The following MIPEP variants were observed in gnomAD, a reference collection of about 807,000 sequenced individuals.
MIPEP encodes the protein mitochondrial intermediate peptidase.
In MIPEP, 79 loss-of-function variants were observed where a neutral mutation model predicts 90.3. The ratio of observed to expected loss-of-function variants is 0.87; its 90% CI spans 0.73 to 1.05. MIPEP has a LOEUF of 1.05. Among genes scored for constraint, MIPEP ranks in the 50% least tolerant of loss-of-function variants. The pLI is 0.00. For synonymous variants in MIPEP, 334 were observed against 315.8 expected (o/e 1.06, Z -0.61); for missense variants, 940 against 905.6 (o/e 1.04, Z -0.49).
intron 12 of MIPEP, 79 bp from the exon 13 acceptor site, chr13:23,837,835 ATTTCACC>A: frequency 8.7e-7 from 1 of 1,145,392 alleles, no homozygotes; most frequent in Non-Finnish European, 1.3e-6. Context: ...TGAATATAAA[ATTTCACC>A]AAAAATGTGT....
At chr13:23,801,188 T>C (rs966552648) in intron 16 of MIPEP, among the ~76,000 whole-genome samples, 1 of 152,226 alleles carries the variant, frequency 6.6e-6, no homozygotes. Flanking sequence ...TTGGCCCGCA[T>C]GGGAAGGCGC....
intron 12 of MIPEP, 94 bp from the exon 13 acceptor site, chr13:23,837,850 T>G (rs1402121759): frequency 1.1e-6 from 1 of 889,032 alleles, no homozygotes; most frequent in Non-Finnish European, 1.8e-6. Flanking sequence ...ACCAAAAATG[T>G]GTGAGTGCAA....
chr13:23,766,175 T>A (rs1952589894), intron 16 of MIPEP: 1 of 152,218 alleles, frequency 6.6e-6, no homozygotes, highest in African/African-American at 2.4e-5. Flanking sequence ...TAAAAATAGT[T>A]CTTTGACTAC....
chr13:23,772,542 A>G (rs1952664700), intron 16 of MIPEP, among the ~76,000 whole-genome samples: 1 of 152,220 alleles, frequency 6.6e-6, no homozygotes, highest in Non-Finnish European at 1.5e-5. Context: ...TTAAAATGCT[A>G]TAATATTATA....
chr13:23,765,630 A>G (rs1409793555), intron 16 of MIPEP, among the ~76,000 whole-genome samples: 1 of 152,192 alleles, frequency 6.6e-6, no homozygotes, highest in Non-Finnish European at 1.5e-5. Flanking sequence ...AAACTTCCCA[A>G]GGGCATGGCC....
At chr13:23,870,463 T>A (rs1443335819) in intron 5 of MIPEP, among the ~76,000 whole-genome samples, 1 of 152,160 alleles carries the variant, frequency 6.6e-6, no homozygotes, top group African/African-American at 2.4e-5. Flanking sequence ...TAACTTCTAG[T>A]TCTATTTTAT....
chr13:23,773,264 G>A (rs183609832), intron 16 of MIPEP, among the ~76,000 whole-genome samples: 8 of 152,250 alleles, frequency 5.3e-5, no homozygotes, highest in Admixed American at 2.6e-4. Flanking sequence ...CGCACCGAGC[G>A]TAATGTTTTC....
intron 5 of MIPEP, among the ~76,000 whole-genome samples, chr13:23,873,686 G>A (rs1180063642): frequency 6.6e-6 from 1 of 152,198 alleles, no homozygotes; most frequent in African/African-American, 2.4e-5. Flanking sequence ...AGGACTGTAG[G>A]AACAATGCAA....
At chr13:23,819,095 A>G (rs550294260) in intron 14 of MIPEP, among the ~76,000 whole-genome samples, 1 of 152,330 alleles carries the variant, frequency 6.6e-6, no homozygotes, top group Admixed American at 6.5e-5. Context: ...AGAACTAGCT[A>G]GGTTTATTCA....
chr13:23,874,423 G>A (rs1870968256), intron 5 of MIPEP, among the ~76,000 whole-genome samples: 1 of 151,766 alleles, frequency 6.6e-6, no homozygotes, highest in South Asian at 2.1e-4. Flanking sequence ...CCATCCCAGT[G>A]TAAACACTGT....
At chr13:23,851,693 T>A (rs561378432) in intron 10 of MIPEP, among the ~76,000 whole-genome samples, 171 of 64,206 alleles carry the variant, frequency 2.7e-3, no homozygotes, top group African/African-American at 9.1e-3. Flanking sequence ...GTCTTTTTTT[T>A]AATTTTCTTT....
chr13:23,813,544 A>C (rs372877067), intron 14 of MIPEP, among the ~76,000 whole-genome samples: 1 of 152,240 alleles, frequency 6.6e-6, no homozygotes, highest in Non-Finnish European at 1.5e-5. Context: ...TTTCTTCCCC[A>C]AATATATATA....
intron 12 of MIPEP, among the ~76,000 whole-genome samples, chr13:23,838,073 C>T (rs928183622): frequency 6.6e-6 from 1 of 152,226 alleles, no homozygotes; most frequent in African/African-American, 2.4e-5. Flanking sequence ...CGAAGGGACA[C>T]TAACATTTAT....
intron 7 of MIPEP, among the ~76,000 whole-genome samples, chr13:23,865,325 T>C (rs975832463): frequency 1.3e-5 from 2 of 152,210 alleles, no homozygotes; most frequent in African/African-American, 2.4e-5. Context: ...TTATCTCCTT[T>C]TGAGTGAAAT....
At position 23,829,834 on chromosome 13, in the gene MIPEP, G is replaced by A. The variant is rs116482157; in HGVS notation, c.1653+6406C>T. Among the ~76,000 whole-genome samples the A allele has an allele frequency of 8.7e-3, 1,317 of 152,168 alleles. 17 individuals are homozygous for A. Among genetic ancestry groups the A allele is most frequent in the African/African-American group, 0.031 (1,276 of 41,512 alleles). The stretch of plus-strand genomic sequence containing the variant: ...AAATAAAAAACCTTAAAAGTAATCA[G>A]AGAACACTGCTGCTAATTAAGACCT... On this transcript the variant is annotated intron_variant, in intron 14 of 18. Coordinates refer to ENST00000382172, the MANE Select transcript of MIPEP (RefSeq NM_005932.4).
At chr13:23,837,001 G>A (rs1472481371) in intron 13 of MIPEP, among the ~76,000 whole-genome samples, 1 of 152,130 alleles carries the variant, frequency 6.6e-6, no homozygotes, top group East Asian at 1.9e-4. Context: ...TATGTGATAG[G>A]GAGCTTAAGA....
intron 14 of MIPEP, among the ~76,000 whole-genome samples, chr13:23,819,477 T>G (rs1215069893): frequency 6.6e-6 from 1 of 152,186 alleles, no homozygotes; most frequent in Non-Finnish European, 1.5e-5. Flanking sequence ...TTCATTCTAC[T>G]TTGTAGAATA....
chr13:23,823,372 AAATGTATT>A (rs1181229264), intron 14 of MIPEP, among the ~76,000 whole-genome samples: 2 of 152,322 alleles, frequency 1.3e-5, no homozygotes, highest in Admixed American at 6.5e-5. Flanking sequence ...TGAACTTCTA[AAATGTATT>A]AACTGAATAG....
intron 16 of MIPEP, among the ~76,000 whole-genome samples, chr13:23,777,761 CA>C (rs1952734706): frequency 6.6e-6 from 1 of 152,172 alleles, no homozygotes; most frequent in Non-Finnish European, 1.5e-5. Flanking sequence ...TACCTTATTT[CA>C]AATAAGCAAA....
Sources: gnomAD v4.1 joint callset for allele counts (sites outside exome capture counted in the v4.1 genomes callset) on GRCh38, gnomAD v4.1.1 for gene constraint, MANE v1.5 for transcripts, NCBI Gene and HGNC (gene_info 2026-07-23, HGNC 2026-07-21) for gene names.